The following UBQLNL variants were observed in gnomAD, a reference collection of about 807,000 sequenced individuals.
The protein encoded by UBQLNL is ubiquilin-like protein.
For missense variants in UBQLNL, 589 were observed against 567.1 expected, an observed-to-expected ratio of 1.04 and a Z score of -0.39; for synonymous variants, 223 against 209.7, an observed-to-expected ratio of 1.06 and a Z score of -0.55.
In UBQLNL at chr11:5,515,888, A is replaced by G. The variant is rs778328735; in HGVS notation, c.554T>C (p.Leu185Pro). Reference protein sequence around the residue: ...MLENPSIQRLLSNMEFMWQFI... With the variant: ...MLENPSIQRLPSNMEFMWQFI... ...CTGCCACATGAACTCCATGTTGGAC[A>G]GAAGCCGCTGGATGCTAGGATTCTC... The change falls in exon 1 of 1, where the codon CTG becomes CCG. Residue 185 changes from leucine to proline, a missense_variant. Leu to Pro is a moderately conservative substitution (Grantham distance 98). Coordinates refer to ENST00000380184, the MANE Select transcript of UBQLNL (RefSeq NM_145053.5). The G allele has an allele frequency of 6.2e-7, 1 of 1,614,144 alleles. No homozygotes were observed. Among genetic ancestry groups the G allele is most frequent in the African/African-American group, 1.3e-5 (1 of 75,048 alleles).
In UBQLNL at chr11:5,515,454, G is replaced by T. The variant is rs200323808; in HGVS notation, c.988C>A (p.Arg330=). 7 of 1,614,188 alleles carry T rather than the reference G, an allele frequency of 4.3e-6. No homozygotes were observed. In the East Asian group the frequency reaches 1.6e-4, roughly 36 times the overall value. ...QDQLTQHPAT[R]VIYNSSGGFS... is the part of the protein sequence containing the mutation. ...CCACCAGAGCTATTATAGATGACTCGGGTTGCAGGATGCTGTGTGAGCTGG... is the reference window on the plus strand; with the variant it reads ...CCACCAGAGCTATTATAGATGACTCTGGTTGCAGGATGCTGTGTGAGCTGG... The change falls in exon 1 of 1, where the codon CGA becomes AGA. Residue 330 remains arginine, a synonymous_variant. Transcript: ENST00000380184.
rs760820094 is a variant in UBQLNL, at chr11:5,515,287, G to T, written c.1155C>A (p.Ser385Arg). 6.2e-7 allele frequency: 1 copy of T among 1,614,232 alleles called. No homozygotes were observed. ...CTTGAAGCTGCTGGGTAAGCTCTATGCTAGGTAAGGCTGGTATCCAAGCTG... is the reference window on the plus strand; with the variant it reads ...CTTGAAGCTGCTGGGTAAGCTCTATTCTAGGTAAGGCTGGTATCCAAGCTG... ...RQPAWIPALP[S>R]IELTQQLQEE... The change falls in exon 1 of 1, where the codon AGC becomes AGA. Residue 385 changes from serine (S) to arginine (R), a missense_variant. Transcript: ENST00000380184.
chr11:5,516,436 C>A lies in UBQLNL; in HGVS notation c.6G>T (p.Trp2Cys), dbSNP rs1251609097. 1.7e-5 allele frequency: 28 copies of A among 1,612,312 alleles called. No individual in the cohort carries two copies. The highest frequency in any genetic ancestry group is 2.3e-5 in the Non-Finnish European group (27 of 1,178,730). MWHAISRTSRMS... is the reference protein window; with the variant it reads MCHAISRTSRMS... ...TCCTGGATGTTCGAGAGATGGCATG[C>A]CACATGGGCTTTAGTGGGTGGGCAG... is the stretch of plus-strand genomic sequence containing the variant. Residue 2 changes from tryptophan (W) to cysteine (C), a missense_variant, in exon 1 of 1, where the codon TGG becomes TGT. Trp to Cys is a radical substitution (Grantham distance 215). Coordinates refer to ENST00000380184, the MANE Select transcript of UBQLNL (RefSeq NM_145053.5).
In UBQLNL at chr11:5,516,465, G is replaced by A. The variant is rs535605711; in HGVS notation, c.-24C>T. Reference sequence around the variant, plus strand: ...ATGGGCTTTAGTGGGTGGGCAGATGGGGAGCAGGTGGAAGCTGGGGCAGAA... The same window carrying A: ...ATGGGCTTTAGTGGGTGGGCAGATGAGGAGCAGGTGGAAGCTGGGGCAGAA... On this transcript the variant is annotated 5_prime_UTR_variant, in exon 1 of 1. Transcript: ENST00000380184. 1 of 1,597,880 alleles carries A rather than the reference G, an allele frequency of 6.3e-7. No homozygotes were observed. The highest frequency in any genetic ancestry group is 8.6e-7 in the Non-Finnish European group (1 of 1,167,840).
In UBQLNL at chr11:5,516,408, A is replaced by G. The variant is rs756241695; in HGVS notation, c.34T>C (p.Ser12Pro). 5 of 1,614,108 alleles carry G rather than the reference A, an allele frequency of 3.1e-6. No individual in the cohort carries two copies. The highest frequency in any genetic ancestry group is 4.2e-6 in the Non-Finnish European group (5 of 1,179,986). ...WHAISRTSRM[S>P]QSGCPSGLLA... Reference sequence around the variant, plus strand: ...AGACCTGATGGACATCCACTCTGGGACATCCTGGATGTTCGAGAGATGGCA... The same window carrying G: ...AGACCTGATGGACATCCACTCTGGGGCATCCTGGATGTTCGAGAGATGGCA... The change falls in exon 1 of 1, where the codon TCC becomes CCC. Residue 12 changes from serine (S) to proline (P), a missense_variant. Ser to Pro is a moderately conservative substitution (Grantham distance 74). Coordinates refer to ENST00000380184, the MANE Select transcript of UBQLNL (RefSeq NM_145053.5).
In UBQLNL at chr11:5,515,484, G is replaced by A; in HGVS notation, c.928C>T (p.Gln310Ter). The change falls in exon 2 of 2, where the codon CAA (glutamine) becomes TAA (stop). Residue 310 changes from glutamine (Q) to a stop codon, truncating the protein, a stop_gained. Transcript: ENST00000673910. LOFTEE classifies it low-confidence loss of function (END_TRUNC). The stretch of plus-strand genomic sequence containing the variant: ...GCAGGATGCTGTGTGAGCTGGTCTT[G>A]TTGTTCCTGTGATGGTGGTGGAGGT... 1.2e-6 allele frequency: 2 copies of A among 1,614,158 alleles called. No individual in the cohort carries two copies. The highest frequency in any genetic ancestry group is 1.7e-6 in the Non-Finnish European group (2 of 1,179,996).
At position 5,516,028 on chromosome 11, in the gene UBQLNL, T is replaced by G. The variant is rs1846531286; in HGVS notation, c.414A>C (p.Pro138=). 2 of 1,614,054 alleles carry G rather than the reference T, an allele frequency of 1.2e-6. No individual in the cohort carries two copies. The highest frequency in any genetic ancestry group is 2.7e-5 in the African/African-American group (2 of 75,006). The part of the protein sequence containing the change: ...TKGNSSRVHQ[P]TGMNQAPVEL... Reference sequence around the variant, plus strand: ...CCACTGGAGCTTGATTCATACCAGTTGGTTGGTGCACTCTGCTGCTGTTTC... The same window carrying G: ...CCACTGGAGCTTGATTCATACCAGTGGGTTGGTGCACTCTGCTGCTGTTTC... The change falls in exon 1 of 1, where the codon CCA becomes CCC. Residue 138 remains proline (P), a synonymous_variant. Coordinates refer to ENST00000380184, the MANE Select transcript of UBQLNL (RefSeq NM_145053.5).
Position 5,514,760 on chromosome 11 carries a change from G to T in UBQLNL, c.*254C>A. The T allele has an allele frequency of 2.0e-6, 1 of 494,106 alleles. No homozygotes were observed. The highest frequency in any genetic ancestry group is 3.2e-5 in the East Asian group (1 of 31,166). The allele number at this position is 494,106 out of a possible 1,614,324, so 30.6% of individuals were successfully genotyped here. On this transcript the variant is annotated 3_prime_UTR_variant, in exon 1 of 1. Coordinates refer to ENST00000380184, the MANE Select transcript of UBQLNL (RefSeq NM_145053.5). ...CAGGAGCTTGCAGAGGGTGGGAAGGGTCCCCATCCGGGGATTGTAGCCTCT... is the reference window on the plus strand; with the variant it reads ...CAGGAGCTTGCAGAGGGTGGGAAGGTTCCCCATCCGGGGATTGTAGCCTCT...
Position 5,516,405 on chromosome 11 carries a change from G to C in UBQLNL, c.37C>G (p.Gln13Glu). Residue 13 changes from glutamine (Q) to glutamate (E), a missense_variant, in exon 1 of 1, where the codon CAG (glutamine) becomes GAG (glutamate). Physicochemically the swap from Gln to Glu is conservative, Grantham distance 29. Coordinates refer to ENST00000380184, the MANE Select transcript of UBQLNL (RefSeq NM_145053.5). The part of the protein sequence containing the change: ...HAISRTSRMS[Q>E]SGCPSGLLAD... ...AGCAGACCTGATGGACATCCACTCTGGGACATCCTGGATGTTCGAGAGATG... is the reference window on the plus strand; with the variant it reads ...AGCAGACCTGATGGACATCCACTCTCGGACATCCTGGATGTTCGAGAGATG... The C allele has an allele frequency of 6.2e-7, 1 of 1,614,098 alleles. No individual in the cohort carries two copies. The highest frequency in any genetic ancestry group is 1.7e-4 in the Middle Eastern group (1 of 6,060).
chr11:5,516,486 C>A lies in UBQLNL; in HGVS notation c.-45G>T. Reference sequence around the variant, plus strand: ...GATGGGGAGCAGGTGGAAGCTGGGGCAGAAAGGGTGAGGGCAGACAAATGT... The same window carrying A: ...GATGGGGAGCAGGTGGAAGCTGGGGAAGAAAGGGTGAGGGCAGACAAATGT... On this transcript the variant is annotated 5_prime_UTR_variant, in exon 1 of 1. Coordinates refer to ENST00000380184, the MANE Select transcript of UBQLNL (RefSeq NM_145053.5). The A allele has an allele frequency of 6.5e-7, 1 of 1,544,334 alleles. No homozygotes were observed. The highest frequency in any genetic ancestry group is 1.2e-5 in the South Asian group (1 of 86,100).
In UBQLNL at chr11:5,514,811, G is replaced by A. The variant is rs1354559260; in HGVS notation, c.*203C>T. 2 of 596,148 alleles carry A rather than the reference G, an allele frequency of 3.4e-6. No homozygotes were observed. The highest frequency in any genetic ancestry group is 5.6e-5 in the East Asian group (2 of 35,934). The allele number at this position is 596,148 out of a possible 1,614,324, so 36.9% of individuals were successfully genotyped here. A position where few individuals can be genotyped will look rare whatever the true frequency, so the allele number is the denominator to read the frequency against. ...GCAGGACTGTTCCAGGCTTGTGGCA[G>A]CACTCAGGTCCCTTGGGCTCAGCTG... On this transcript the variant is annotated 3_prime_UTR_variant, in exon 1 of 1. Transcript: ENST00000380184.
At position 5,514,589 on chromosome 11, in the gene UBQLNL, T is replaced by C. The variant is rs577027885; in HGVS notation, c.*425A>G. Reference sequence around the variant, plus strand: ...CAGGTAGCAAGCAAACAAGTAGGCATGGTGGTTAGAATCTCTGGGATCTCT... The same window carrying C: ...CAGGTAGCAAGCAAACAAGTAGGCACGGTGGTTAGAATCTCTGGGATCTCT... On this transcript the variant is annotated 3_prime_UTR_variant, in exon 1 of 1. Coordinates refer to ENST00000380184, the MANE Select transcript of UBQLNL (RefSeq NM_145053.5). The C allele has an allele frequency of 2.9e-5, 5 of 172,074 alleles. No individual in the cohort carries two copies. Among genetic ancestry groups the C allele is most frequent in the Middle Eastern group, 2.7e-3 (1 of 364 alleles). 10.7% of individuals were successfully genotyped at this position (172,074 alleles called of 1,614,324 possible). A position where few individuals can be genotyped will look rare whatever the true frequency, so the allele number is the denominator to read the frequency against.
In UBQLNL at chr11:5,516,587, T is replaced by A. The variant is rs1294228217; in HGVS notation, c.-146A>T. The A allele has an allele frequency of 2.9e-6, 2 of 694,746 alleles. No homozygotes were observed. Among genetic ancestry groups the A allele is most frequent in the Non-Finnish European group, 4.9e-6 (2 of 408,504 alleles). 43.0% of individuals were successfully genotyped at this position (694,746 alleles called of 1,614,324 possible). A position where few individuals can be genotyped will look rare whatever the true frequency, so the allele number is the denominator to read the frequency against. On this transcript the variant is annotated 5_prime_UTR_variant, in exon 1 of 1. Coordinates refer to ENST00000380184, the MANE Select transcript of UBQLNL (RefSeq NM_145053.5). The stretch of plus-strand genomic sequence containing the variant: ...TCCTTGTTGCCCTAAAAGGGATGAG[T>A]GACCAGACTGGGGCCAGATATTTTG...
chr11:5,515,767 A>G lies in UBQLNL; in HGVS notation c.675T>C (p.Thr225=), dbSNP rs2133830339. 1.9e-6 allele frequency: 3 copies of G among 1,614,124 alleles called. No homozygotes were observed. The highest frequency in any genetic ancestry group is 2.5e-6 in the Non-Finnish European group (3 of 1,180,018). Residue 225 remains threonine (T), a synonymous_variant, in exon 1 of 1, where the codon ACT becomes ACC. Coordinates refer to ENST00000380184, the MANE Select transcript of UBQLNL (RefSeq NM_145053.5). ...LLDNSEILLQ[T]LELARNLAMI... is the part of the protein sequence containing the mutation. ...TAGCAAGGTTCCTGGCCAGCTCCAGAGTCTGCAATAGGATCTCAGAATTAT... is the reference window on the plus strand; with the variant it reads ...TAGCAAGGTTCCTGGCCAGCTCCAGGGTCTGCAATAGGATCTCAGAATTAT...
Position 5,516,129 on chromosome 11 carries a change from C to T in UBQLNL, c.313G>A (p.Gly105Ser). The change falls in exon 1 of 1, where the codon GGC becomes AGC. Residue 105 changes from glycine (G) to serine (S), a missense_variant. Coordinates refer to ENST00000380184, the MANE Select transcript of UBQLNL (RefSeq NM_145053.5). ...TIYLVIKSKQGSRSLAHSFRD... is the reference protein window; with the variant it reads ...TIYLVIKSKQSSRSLAHSFRD... ...AAGGAATGGGCTAGAGATCTGGAGC[C>T]CTGCTTGGACTTGATGACCAAGTAG... 1.2e-6 allele frequency: 2 copies of T among 1,614,056 alleles called. No homozygotes were observed. Among genetic ancestry groups the T allele is most frequent in the South Asian group, 1.1e-5 (1 of 91,068 alleles).
rs146491894 is a variant in UBQLNL, at chr11:5,515,300, G to T, written c.1142C>A (p.Pro381Gln). Residue 381 changes from proline to glutamine, a missense_variant, in exon 1 of 1, where the codon CCA (proline) becomes CAA (glutamine). Physicochemically the swap from Pro to Gln is moderately conservative, Grantham distance 76. Transcript: ENST00000380184. ...ICATRQPAWI[P>Q]ALPSIELTQQ... ...GGTAAGCTCTATGCTAGGTAAGGCTGGTATCCAAGCTGGCTGCCGAGTGGC... is the reference window on the plus strand; with the variant it reads ...GGTAAGCTCTATGCTAGGTAAGGCTTGTATCCAAGCTGGCTGCCGAGTGGC... The T allele has an allele frequency of 1.7e-4, 270 of 1,614,220 alleles. No homozygotes were observed. The highest frequency in any genetic ancestry group is 5.1e-4 in the South Asian group (46 of 91,088).
chr11:5,515,691 G>C lies in UBQLNL; in HGVS notation c.751C>G (p.Pro251Ala). ...IQQPSQNLEYPLNPQPYLGLE... is the reference protein window; with the variant it reads ...IQQPSQNLEYALNPQPYLGLE... ...CCCAGATATGGCTGTGGGTTCAGTGGATACTCAAGGTTTTGTGAAGGTTGT... is the reference window on the plus strand; with the variant it reads ...CCCAGATATGGCTGTGGGTTCAGTGCATACTCAAGGTTTTGTGAAGGTTGT... The change falls in exon 1 of 1, where the codon CCA (proline) becomes GCA (alanine). Residue 251 changes from proline to alanine, a missense_variant. Transcript: ENST00000380184. 6.2e-7 allele frequency: 1 copy of C among 1,614,144 alleles called. No individual in the cohort carries two copies. The highest frequency in any genetic ancestry group is 1.1e-5 in the South Asian group (1 of 91,074).
Position 5,516,565 on chromosome 11 carries a change from T to C in UBQLNL, c.-124A>G. The C allele has an allele frequency of 6.0e-6, 5 of 836,288 alleles. No homozygotes were observed. The highest frequency in any genetic ancestry group is 2.6e-5 in the East Asian group (1 of 38,032). The allele number at this position is 836,288 out of a possible 1,614,324, so 51.8% of individuals were successfully genotyped here. ...GCTCTCAGGCCACAGGATAGTTTCC[T>C]TGTTGCCCTAAAAGGGATGAGTGAC... On this transcript the variant is annotated 5_prime_UTR_variant, in exon 1 of 1. Transcript: ENST00000380184.
In UBQLNL at chr11:5,515,892, G is replaced by A. The variant is rs1846528753; in HGVS notation, c.550C>T (p.Leu184Phe). ...CACATGAACTCCATGTTGGACAGAA[G>A]CCGCTGGATGCTAGGATTCTCCAGC... ...QMLENPSIQR[L>F]LSNMEFMWQF... Residue 184 changes from leucine to phenylalanine, a missense_variant, in exon 1 of 1, where the codon CTT becomes TTT. Transcript: ENST00000380184. The A allele has an allele frequency of 3.1e-6, 5 of 1,613,990 alleles. No homozygotes were observed. The South Asian group carries it at 4.4e-5, about 14-fold the overall frequency.
Sources: allele counts gnomAD v4.1 joint callset, GRCh38; gene constraint gnomAD v4.1.1; transcripts MANE v1.5; gene names NCBI Gene and HGNC (gene_info 2026-07-23, HGNC 2026-07-21).